RBFOX1: variants seen among roughly 807,000 people sequenced by gnomAD.
The protein encoded by RBFOX1 is RNA binding fox-1 homolog 1, also known as RNA binding protein fox-1 homolog 1.
Under a neutral mutation model 57.7 loss-of-function variants are expected in RBFOX1, and 8 were observed. That is an observed-to-expected ratio of 0.14 (90% CI 0.08 to 0.25). The LOEUF (loss-of-function observed/expected upper bound fraction) is 0.25. Ranked by LOEUF, RBFOX1 falls within the 10% of genes least tolerant of loss-of-function variation. The probability of loss-of-function intolerance (pLI) is 1.00; values close to 1 mark genes in which losing one functional copy is unlikely to be tolerated. For synonymous variants in RBFOX1, 326 were observed against 222.4 expected (o/e 1.47, Z -4.15); for missense variants, 611 against 548.5 (o/e 1.11, Z -1.14).
chr16:7,544,614 G>A (rs2152495142), intron 5 of RBFOX1, among the ~76,000 whole-genome samples: 1 of 152,218 alleles, frequency 6.6e-6, no homozygotes, highest in East Asian at 1.9e-4. Context: ...AGCAAGGACG[G>A]ACTCTCCTTG....
At chr16:6,722,805 G>A (rs1023627211) in intron 3 of RBFOX1, among the ~76,000 whole-genome samples, 10 of 152,212 alleles carry the variant, frequency 6.6e-5, no homozygotes, top group African/African-American at 1.4e-4. Context: ...TTATCTCAGC[G>A]GCCAGATGGG....
intron 2 of RBFOX1, among the ~76,000 whole-genome samples, chr16:6,453,429 A>T (rs747544789): frequency 2.0e-5 from 3 of 152,204 alleles, no homozygotes; most frequent in Non-Finnish European, 4.4e-5. Flanking sequence ...TAGAAAATCT[A>T]CAAGAAATGG....
At chr16:6,211,185 C>CCATGAGACAGGGTGTTGTCTTA (rs1426493154) in intron 1 of RBFOX1, among the ~76,000 whole-genome samples, 1 of 123,218 alleles carries the variant, frequency 8.1e-6, no homozygotes, top group African/African-American at 2.7e-5. Flanking sequence ...GTGTTTTCTT[C>CCATGAGACAGGGTGTTGTCTTA]TTCTTTTTTT....
chr16:7,516,006 G>A (rs991553171), intron 4 of RBFOX1, among the ~76,000 whole-genome samples: 17 of 152,016 alleles, frequency 1.1e-4, no homozygotes, highest in Admixed American at 6.6e-5. Flanking sequence ...CACCATGCCC[G>A]GCTAATTTTT....
chr16:7,491,846 A>G (rs2067078287), intron 4 of RBFOX1, among the ~76,000 whole-genome samples: 1 of 152,164 alleles, frequency 6.6e-6, no homozygotes, highest in African/African-American at 2.4e-5. Context: ...ACAGAATTTT[A>G]AGGAAGAATT....
At chr16:7,577,290 AG>A (rs1567920444) in intron 5 of RBFOX1, among the ~76,000 whole-genome samples, 15 of 152,128 alleles carry the variant, frequency 9.9e-5, no homozygotes, top group African/African-American at 3.1e-4. Flanking sequence ...TGCTTTGCAC[AG>A]TGTCCTTTGA....
At chr16:7,640,600 G>A (rs1474188424) in intron 11 of RBFOX1, among the ~76,000 whole-genome samples, 1 of 152,228 alleles carries the variant, frequency 6.6e-6, no homozygotes, top group East Asian at 1.9e-4. Context: ...CACAGCCAGA[G>A]AACAAGGCCG....
chr16:7,682,234 T>G (rs1384442281), intron 14 of RBFOX1, among the ~76,000 whole-genome samples: 1 of 152,186 alleles, frequency 6.6e-6, no homozygotes, highest in East Asian at 1.9e-4. Context: ...CTAGACTCTG[T>G]ATCATTTTAT....
intron 2 of RBFOX1, among the ~76,000 whole-genome samples, chr16:5,494,798 A>G (rs2042946601): frequency 6.6e-6 from 1 of 152,196 alleles, no homozygotes; most frequent in Non-Finnish European, 1.5e-5. Flanking sequence ...GGGTGGATCA[A>G]CTAAGGGACC....
chr16:7,410,198 G>A (rs999166803), intron 4 of RBFOX1, among the ~76,000 whole-genome samples: 1 of 152,212 alleles, frequency 6.6e-6, no homozygotes, highest in African/African-American at 2.4e-5. Flanking sequence ...CATCTGCGCT[G>A]GGTGACCGCT....
chr16:6,218,960 G>C (rs542392940), intron 1 of RBFOX1, among the ~76,000 whole-genome samples: 2 of 152,212 alleles, frequency 1.3e-5, no homozygotes, highest in African/African-American at 2.4e-5. Flanking sequence ...CAACATAAAA[G>C]CATAATAGTC....
chr16:6,512,705 T>C (rs1038434193), intron 2 of RBFOX1, among the ~76,000 whole-genome samples: 26 of 152,166 alleles, frequency 1.7e-4, no homozygotes, highest in African/African-American at 6.3e-4. Context: ...CCTTGCTGTC[T>C]TGTGTTTTGG....
intron 1 of RBFOX1, among the ~76,000 whole-genome samples, chr16:6,249,812 G>C (rs912187744): frequency 6.8e-6 from 1 of 146,248 alleles, no homozygotes; most frequent in African/African-American, 2.5e-5. Flanking sequence ...TTTAGGGTAC[G>C]TGTGCACAAT....
At chr16:5,869,858 C>G (rs906265959) in intron 4 of RBFOX1, among the ~76,000 whole-genome samples, 1 of 152,102 alleles carries the variant, frequency 6.6e-6, no homozygotes, top group Admixed American at 6.6e-5. Flanking sequence ...TCCACCAAAA[C>G]AACACATGCA....
rs199593748 is a variant in RBFOX1, at chr16:6,976,795, G to T, written c.-15-75262G>T. Among the ~76,000 whole-genome samples the T allele has an allele frequency of 4.5e-3, 471 of 103,778 alleles. 3 individuals carry two copies. The highest frequency in any genetic ancestry group is 3.4e-3 in the Non-Finnish European group (184 of 54,042). 68.1% of individuals were successfully genotyped at this position (103,778 alleles called of 152,430 possible). On this transcript the variant is annotated intron_variant, in intron 3 of 15. Transcript: ENST00000550418. ...TGACATATCAATATATTATATATAT[G>T]ATATATGAGATATAAATGATCTAGA... is the stretch of plus-strand genomic sequence containing the variant.
At chr16:7,673,458 G>A (rs964514340) in intron 13 of RBFOX1, among the ~76,000 whole-genome samples, 1 of 152,132 alleles carries the variant, frequency 6.6e-6, no homozygotes, top group Non-Finnish European at 1.5e-5. Context: ...TGTAATCCCA[G>A]CACTTTGGGA....
chr16:7,487,139 AT>A (rs1425568615), intron 4 of RBFOX1, among the ~76,000 whole-genome samples: 4 of 152,008 alleles, frequency 2.6e-5, no homozygotes, highest in African/African-American at 9.7e-5. Flanking sequence ...ACCTCAGGTG[AT>A]TTACCCGCCT....
At chr16:7,091,268 CT>C (rs201284676) in intron 4 of RBFOX1, among the ~76,000 whole-genome samples, 35,506 of 146,576 alleles carry the variant, frequency 0.24, 4,260 homozygotes, top group East Asian at 0.31. Flanking sequence ...TTTAACTTTA[CT>C]TTTTTTTTTT....
chr16:6,693,253 A>G (rs992527813), intron 3 of RBFOX1, among the ~76,000 whole-genome samples: 1 of 150,730 alleles, frequency 6.6e-6, no homozygotes, highest in African/African-American at 2.4e-5. Context: ...CACCATCATC[A>G]TCATCCTCAT....
Sources: gnomAD v4.1 joint callset for allele counts (sites outside exome capture counted in the v4.1 genomes callset) on GRCh38, gnomAD v4.1.1 for gene constraint, MANE v1.5 for transcripts, NCBI Gene and HGNC (gene_info 2026-07-23, HGNC 2026-07-21) for gene names.